SESTD1: variants seen among roughly 807,000 people sequenced by gnomAD.
SESTD1 encodes SEC14 and spectrin domain containing 1.
A neutral mutation model predicts 101.7 loss-of-function variants in SESTD1; 43 were observed. That is an observed-to-expected ratio of 0.42 (90% CI 0.33 to 0.55). The LOEUF is 0.55. Among genes scored for constraint, SESTD1 ranks in the 20% least tolerant of loss-of-function variants. SESTD1 has a pLI of 0.07. For missense variants in SESTD1, 647 were observed against 815.1 expected (o/e 0.79, Z 2.51); for synonymous variants, 283 against 286.8 (o/e 0.99, Z 0.13).
intron 2 of SESTD1, among the ~76,000 whole-genome samples, chr2:179,190,497 A>G (rs1464373204): frequency 6.6e-6 from 1 of 152,172 alleles, no homozygotes; most frequent in Non-Finnish European, 1.5e-5. Flanking sequence ...AATTATGACT[A>G]AGTCCTCAAA....
intron 1 of SESTD1, among the ~76,000 whole-genome samples, chr2:179,196,896 AG>A (rs1332830515): frequency 6.6e-6 from 1 of 152,264 alleles, no homozygotes; most frequent in African/African-American, 2.4e-5. Flanking sequence ...TGAAAAGCAG[AG>A]CGCCTCTCCT....
intron 1 of SESTD1, among the ~76,000 whole-genome samples, chr2:179,196,305 T>C (rs1333366868): frequency 1.3e-5 from 2 of 152,188 alleles, no homozygotes; most frequent in Non-Finnish European, 2.9e-5. Flanking sequence ...CGGAGGGTCC[T>C]ACACCCACGG....
At chr2:179,202,856 A>G (rs1187014348) in intron 1 of SESTD1, among the ~76,000 whole-genome samples, 2 of 134,736 alleles carry the variant, frequency 1.5e-5, no homozygotes, top group African/African-American at 5.9e-5. Flanking sequence ...CTTCCTCCAG[A>G]AAGATCCAAT....
In SESTD1 at chr2:179,124,359, C is replaced by T; in HGVS notation, c.1167+5G>A. The T allele has an allele frequency of 1.2e-6, 2 of 1,612,976 alleles. No individual in the cohort carries two copies. Among genetic ancestry groups the T allele is most frequent in the Non-Finnish European group, 1.7e-6 (2 of 1,179,284 alleles). ...GAAAAGAAAAGAATCAGAATAGACA[C>T]TTACATCTTGGGCAACACCATGAAA... On this transcript the variant is annotated splice_donor_5th_base_variant and intron_variant, in intron 11 of 17. Transcript: ENST00000428443.
At chr2:179,114,395 TCAAAA>T (rs1559095686) in intron 16 of SESTD1, among the ~76,000 whole-genome samples, 1 of 152,174 alleles carries the variant, frequency 6.6e-6, no homozygotes, top group African/African-American at 2.4e-5. Flanking sequence ...TTGTAAGAGA[TCAAAA>T]CAAAATTAAC....
rs1491118463 is a variant in SESTD1, at chr2:179,229,749, T to TTGAGTATA, written c.-26+34749_-26+34750insTATACTCA. Among the ~76,000 whole-genome samples the TTGAGTATA allele has an allele frequency of 1.0e-4, 11 of 106,360 alleles. 1 individual carries two copies. Among genetic ancestry groups the TTGAGTATA allele is most frequent in the African/African-American group, 3.7e-4 (11 of 29,982 alleles). The allele number at this position is 106,360 out of a possible 152,430, so 69.8% of individuals were successfully genotyped here. ...AAGAAATTTAAGATTTTGTAAGAACTTATATATATATATATATATATATAT... is the reference window on the plus strand; with the variant it reads ...AAGAAATTTAAGATTTTGTAAGAACTTGAGTATATATATATATATATATATATATATAT... On this transcript the variant is annotated intron_variant, in intron 1 of 17. Transcript: ENST00000428443.
chr2:179,186,710 C>T lies in SESTD1; in HGVS notation c.56-3522G>A, dbSNP rs575723976. On this transcript the variant is annotated intron_variant, in intron 2 of 17. Transcript: ENST00000428443. ...TTTTTTTTTTTTTTTTTTTTTGAGACGGAGTCTTGCTCTGTCGCCCAGGCT... is the reference window on the plus strand; with the variant it reads ...TTTTTTTTTTTTTTTTTTTTTGAGATGGAGTCTTGCTCTGTCGCCCAGGCT... Among the ~76,000 whole-genome samples the T allele has an allele frequency of 4.3e-3, 526 of 122,878 alleles. 6 individuals carry two copies. The highest frequency in any genetic ancestry group is 0.015 in the African/African-American group (495 of 32,006). 80.6% of individuals were successfully genotyped at this position (122,878 alleles called of 152,430 possible).
chr2:179,257,890 C>T (rs1196277091), intron 1 of SESTD1, among the ~76,000 whole-genome samples: 1 of 152,076 alleles, frequency 6.6e-6, no homozygotes, highest in Non-Finnish European at 1.5e-5. Flanking sequence ...AAAAGAACCC[C>T]ATAGAATGAT....
chr2:179,138,106 TAAAG>T (rs1366946593), intron 9 of SESTD1, among the ~76,000 whole-genome samples: 3 of 152,124 alleles, frequency 2.0e-5, no homozygotes, highest in Non-Finnish European at 4.4e-5. Flanking sequence ...GTTATCCTGA[TAAAG>T]AAAACTGAAT....
intron 5 of SESTD1, among the ~76,000 whole-genome samples, chr2:179,164,264 C>T (rs1322822323): frequency 6.6e-6 from 1 of 152,106 alleles, no homozygotes; most frequent in Non-Finnish European, 1.5e-5. Context: ...TCATGGAAGT[C>T]TTTGGTCCTG....
chr2:179,255,209 A>G (rs80339028), intron 1 of SESTD1, among the ~76,000 whole-genome samples: 8,854 of 152,286 alleles, frequency 0.058, 322 homozygotes, highest in South Asian at 0.12. Context: ...TATTAAAGTG[A>G]AAGGAGGAGT....
intron 5 of SESTD1, among the ~76,000 whole-genome samples, chr2:179,164,394 A>C (rs995131077): frequency 3.9e-5 from 6 of 152,188 alleles, no homozygotes; most frequent in African/African-American, 9.6e-5. Flanking sequence ...CACTTTAATG[A>C]GTGACAAAAA....
chr2:179,145,181 T>A (rs1006323649), intron 8 of SESTD1, among the ~76,000 whole-genome samples: 2 of 152,196 alleles, frequency 1.3e-5, no homozygotes, highest in Non-Finnish European at 2.9e-5. Flanking sequence ...GCTATGAATA[T>A]CAGAATACAT....
At chr2:179,112,047 C>T (rs1156906486) in intron 17 of SESTD1, among the ~76,000 whole-genome samples, 2 of 152,146 alleles carry the variant, frequency 1.3e-5, no homozygotes, top group Non-Finnish European at 2.9e-5. Context: ...TTTCCTGATC[C>T]ATTTATTTTG....
intron 5 of SESTD1, among the ~76,000 whole-genome samples, chr2:179,155,752 T>C (rs544896691): frequency 6.6e-6 from 1 of 152,240 alleles, no homozygotes; most frequent in South Asian, 2.1e-4. Flanking sequence ...ATTTTTAATT[T>C]TCCATAGGTT....
intron 9 of SESTD1, among the ~76,000 whole-genome samples, chr2:179,134,718 T>TA (rs1042478498): frequency 6.6e-6 from 1 of 152,194 alleles, no homozygotes; most frequent in Non-Finnish European, 1.5e-5. Flanking sequence ...CTTGTTAATA[T>TA]ACTTTACAAA....
At chr2:179,122,517 C>CAAGAA (rs913078539) in intron 12 of SESTD1, among the ~76,000 whole-genome samples, 2 of 151,964 alleles carry the variant, frequency 1.3e-5, no homozygotes, top group African/African-American at 4.8e-5. Context: ...GACTGTGGCT[C>CAAGAA]AAGAAAACTA....
intron 1 of SESTD1, among the ~76,000 whole-genome samples, chr2:179,213,318 C>G (rs889204421): frequency 7.4e-6 from 1 of 134,734 alleles, no homozygotes; most frequent in Admixed American, 7.2e-5. Flanking sequence ...CCTGATGGAG[C>G]TGAAAACCAT....
At chr2:179,243,193 T>C (rs2047180080) in intron 1 of SESTD1, among the ~76,000 whole-genome samples, 1 of 152,054 alleles carries the variant, frequency 6.6e-6, no homozygotes. Context: ...TCAATATCAC[T>C]AGTCATCAGA....
Sources: allele counts gnomAD v4.1 joint callset (sites outside exome capture counted in the v4.1 genomes callset), GRCh38; gene constraint gnomAD v4.1.1; transcripts MANE v1.5; gene names NCBI Gene and HGNC (gene_info 2026-07-23, HGNC 2026-07-21).